The following APBB1IP variants were observed in gnomAD, a reference collection of about 807,000 sequenced individuals.
The protein encoded by APBB1IP is amyloid beta precursor protein binding family B member 1 interacting protein, also known as amyloid beta A4 precursor protein-binding family B member 1-interacting protein.
Under a neutral mutation model 64.9 loss-of-function variants are expected in APBB1IP, and 27 were observed. The ratio of observed to expected loss-of-function variants is 0.42; its 90% CI spans 0.31 to 0.57. The LOEUF is 0.57. Ranked by LOEUF, APBB1IP falls within the 20% of genes least tolerant of loss-of-function variation. The probability of loss-of-function intolerance (pLI) is 0.20; values close to 1 mark genes in which losing one functional copy is unlikely to be tolerated. For missense variants in APBB1IP, 812 were observed against 845.5 expected (o/e 0.96, Z 0.49); for synonymous variants, 392 against 331.0 (o/e 1.18, Z -2.00).
At chr10:26,528,373 C>T (rs960464552) in intron 8 of APBB1IP, among the ~76,000 whole-genome samples, 6 of 152,116 alleles carry the variant, frequency 3.9e-5, no homozygotes, top group African/African-American at 1.4e-4. Context: ...TGTTCTCCTC[C>T]CTGGAAATCT....
Position 26,497,350 on chromosome 10 carries a change from G to A in APBB1IP, c.160+959G>A, listed in dbSNP as rs548535437. Among the ~76,000 whole-genome samples, 8 of 152,000 alleles carry A rather than the reference G, an allele frequency of 5.3e-5. No homozygotes were observed. In the East Asian group the frequency reaches 1.6e-3, roughly 30 times the overall value. On this transcript the variant is annotated intron_variant, in intron 4 of 14. Coordinates refer to ENST00000376236, the MANE Select transcript of APBB1IP (RefSeq NM_019043.4). ...GCAGATCACAAGGTCAGGAGATCGA[G>A]ACCATCCTGGCTAACACGGTGAAAC... is the stretch of plus-strand genomic sequence containing the variant.
At chr10:26,473,252 T>C (rs1431245834) in intron 2 of APBB1IP, among the ~76,000 whole-genome samples, 1 of 152,262 alleles carries the variant, frequency 6.6e-6, no homozygotes, top group East Asian at 1.9e-4. Flanking sequence ...ACAACTTCTC[T>C]TGAATTCCAA....
At chr10:26,509,833 C>T (rs552801516) in intron 6 of APBB1IP, 5 of 152,248 alleles carry the variant, frequency 3.3e-5, no homozygotes, top group East Asian at 1.9e-4. Context: ...CGGGACCAAC[C>T]GTTAAGCTCA....
rs1439277075 is a variant in APBB1IP at position 26,536,157 on chromosome 10, A to G, written c.984A>G (p.Lys328=). Residue 328 remains lysine, a synonymous_variant, in exon 10 of 15, where the codon AAA becomes AAG. Coordinates refer to ENST00000376236, the MANE Select transcript of APBB1IP (RefSeq NM_019043.4). ...YLKEDGKKSW[K]RRYFLLRASG... ...AAGAAGATGGAAAGAAATCCTGGAAAAGGCGCTATTTTCTTTTACGGGCTT... is the reference window on the plus strand; with the variant it reads ...AAGAAGATGGAAAGAAATCCTGGAAGAGGCGCTATTTTCTTTTACGGGCTT... 22 of 1,611,166 alleles carry G rather than the reference A, an allele frequency of 1.4e-5. No homozygotes were observed. In the Admixed American group the frequency reaches 3.4e-4, roughly 25 times the overall value.
chr10:26,552,498 C>T (rs1309738643), intron 11 of APBB1IP, among the ~76,000 whole-genome samples: 1 of 152,068 alleles, frequency 6.6e-6, no homozygotes, highest in African/African-American at 2.4e-5. Context: ...ACTCAGGAGG[C>T]TGAGGCAGAA....
At chr10:26,558,833 G>A (rs1392302297) in intron 11 of APBB1IP, among the ~76,000 whole-genome samples, 1 of 152,152 alleles carries the variant, frequency 6.6e-6, no homozygotes, top group Non-Finnish European at 1.5e-5. Context: ...TAGGAGGAAT[G>A]CAAGGAGTTT....
At chr10:26,463,546 C>T (rs1462402741) in intron 2 of APBB1IP, among the ~76,000 whole-genome samples, 1 of 152,100 alleles carries the variant, frequency 6.6e-6, no homozygotes, top group East Asian at 1.9e-4. Context: ...GGGAATCTGC[C>T]TGACTGTTAT....
intron 2 of APBB1IP, among the ~76,000 whole-genome samples, chr10:26,464,621 C>A (rs1835628452): frequency 6.6e-6 from 1 of 152,150 alleles, no homozygotes; most frequent in Non-Finnish European, 1.5e-5. Flanking sequence ...GTTGCCCAGG[C>A]TGGTCTCAAA....
chr10:26,439,193 C>CCAGCAGGT (rs555754524), intron 2 of APBB1IP, among the ~76,000 whole-genome samples: 110 of 152,228 alleles, frequency 7.2e-4, no homozygotes, highest in Non-Finnish European at 1.3e-3. Flanking sequence ...CCTTGCACGT[C>CCAGCAGGT]CAGCAGGTCA....
At chr10:26,515,065 T>C (rs951132981) in intron 8 of APBB1IP, among the ~76,000 whole-genome samples, 13 of 145,522 alleles carry the variant, frequency 8.9e-5, no homozygotes, top group Non-Finnish European at 1.8e-4. Flanking sequence ...TGTATTTTAG[T>C]AGAGATGGGG....
intron 2 of APBB1IP, among the ~76,000 whole-genome samples, chr10:26,449,215 G>A (rs772200130): frequency 6.6e-6 from 1 of 152,116 alleles, no homozygotes; most frequent in Non-Finnish European, 1.5e-5. Flanking sequence ...AAGAAAAATG[G>A]CAGTTTAACT....
Position 26,511,457 on chromosome 10 carries a change from CT to C in APBB1IP, c.532-283del, listed in dbSNP as rs56671787. ...TTATTGGGAAAGAAAGAAGCTAACA[CT>C]TTTTTTGTTCTGTTGTTTTCTGTCT... On this transcript the variant is annotated intron_variant, in intron 6 of 14. Transcript: ENST00000376236. Among the ~76,000 whole-genome samples, 80 of 152,280 alleles carry C rather than the reference CT, an allele frequency of 5.3e-4. No homozygotes were observed. The East Asian group carries it at 0.014, about 27-fold the overall frequency.
intron 2 of APBB1IP, among the ~76,000 whole-genome samples, chr10:26,475,602 T>C (rs1210264882): frequency 6.6e-6 from 1 of 152,118 alleles, no homozygotes; most frequent in Admixed American, 6.5e-5. Flanking sequence ...TGCGTTTAAA[T>C]CCCATCCGGC....
chr10:26,495,775 G>A (rs1315883556), intron 3 of APBB1IP, among the ~76,000 whole-genome samples: 1 of 150,858 alleles, frequency 6.6e-6, no homozygotes, highest in Non-Finnish European at 1.5e-5. Context: ...TCTCAAGATT[G>A]TAGGCTAAGG....
At chr10:26,545,777 ACAAAC>A (rs1836756508) in intron 11 of APBB1IP, among the ~76,000 whole-genome samples, 5 of 60,458 alleles carry the variant, frequency 8.3e-5, no homozygotes, top group South Asian at 4.4e-4. Context: ...AAACAAACAA[ACAAAC>A]AAAAAAAAAC....
At chr10:26,502,302 T>C (rs140173274) in intron 5 of APBB1IP, among the ~76,000 whole-genome samples, 1 of 152,372 alleles carries the variant, frequency 6.6e-6, no homozygotes, top group East Asian at 1.9e-4. Flanking sequence ...CCTGTTCATA[T>C]GAGCTTGTCA....
At chr10:26,559,454 G>A (rs922789860) in intron 11 of APBB1IP, among the ~76,000 whole-genome samples, 2 of 151,836 alleles carry the variant, frequency 1.3e-5, no homozygotes, top group Non-Finnish European at 2.9e-5. Context: ...GTGTGCACCT[G>A]TAGTCCTAGC....
chr10:26,506,253 G>C (rs1047090053), intron 6 of APBB1IP, among the ~76,000 whole-genome samples: 2 of 131,802 alleles, frequency 1.5e-5, no homozygotes, highest in African/African-American at 6.1e-5. Flanking sequence ...GTGTGTGTGG[G>C]GGGGGGGGGT....
chr10:26,442,644 T>G (rs755132906), intron 2 of APBB1IP, among the ~76,000 whole-genome samples: 98 of 152,360 alleles, frequency 6.4e-4, no homozygotes, highest in Non-Finnish European at 1.2e-3. Context: ...TCTTCCTTCA[T>G]GTTTTATTAT....
Sources: gnomAD v4.1 joint callset for allele counts (sites outside exome capture counted in the v4.1 genomes callset) on GRCh38, gnomAD v4.1.1 for gene constraint, MANE v1.5 for transcripts, NCBI Gene and HGNC (gene_info 2026-07-23, HGNC 2026-07-21) for gene names.